Variants in KERA observed in about 807,000 individuals in gnomAD.
KERA encodes keratan sulfate proteoglycan keratocan.
A neutral mutation model predicts 26.4 loss-of-function variants in KERA; 25 were observed. The ratio of observed to expected loss-of-function variants is 0.95; its 90% CI spans 0.69 to 1.32. KERA has a LOEUF of 1.32. KERA is among the 40% of genes most tolerant of loss of function. The pLI is 0.00. For missense variants in KERA, 434 were observed against 408.9 expected, an observed-to-expected ratio of 1.06 and a Z score of -0.53; for synonymous variants, 167 against 146.1, an observed-to-expected ratio of 1.14 and a Z score of -1.03.
intron 2 of KERA, among the ~76,000 whole-genome samples, 174 bp from the exon 3 acceptor site, chr12:91,051,692 A>C (rs1437722336): frequency 6.6e-6 from 1 of 151,620 alleles, no homozygotes; most frequent in Admixed American, 6.6e-5. Flanking sequence ...TGTTTCCCCC[A>C]AACAAAAGTT....
intron 1 of KERA, 124 bp downstream of exon 1, chr12:91,057,620 A>AT (rs5799975): frequency 0.13 from 18,730 of 148,564 alleles, 1,665 homozygotes; most frequent in African/African-American, 0.25. Flanking sequence ...AAGAAACATC[A>AT]TTTTTTTTTT....
Position 91,056,284 on chromosome 12 carries a change from T to C in KERA, c.-3A>G. The C allele has an allele frequency of 6.2e-7, 1 of 1,607,618 alleles. No individual in the cohort carries two copies. Among genetic ancestry groups the C allele is most frequent in the Non-Finnish European group, 8.5e-7 (1 of 1,176,090 alleles). ...ATGAAACAGATTGTGCCTGCCATTA[T>C]AGCACCTACAGAAAAAGGAACACAA... On this transcript the variant is annotated 5_prime_UTR_variant, in exon 2 of 3. Coordinates refer to ENST00000266719, the MANE Select transcript of KERA (RefSeq NM_007035.4).
chr12:91,052,828 C>T (rs1187075179), intron 2 of KERA, among the ~76,000 whole-genome samples: 3 of 151,294 alleles, frequency 2.0e-5, no homozygotes, highest in African/African-American at 7.3e-5. Context: ...TGTGCAATCC[C>T]CTTATCCTCA....
chr12:91,052,307 C>T (rs1373475661), intron 2 of KERA, among the ~76,000 whole-genome samples: 2 of 151,382 alleles, frequency 1.3e-5, no homozygotes, highest in Non-Finnish European at 3.0e-5. Flanking sequence ...GTTAAACTAG[C>T]AAAATTCAGG....
intron 2 of KERA, 130 bp from the exon 3 acceptor site, chr12:91,051,648 A>T: frequency 1.4e-6 from 1 of 701,648 alleles, no homozygotes; most frequent in Non-Finnish European, 2.5e-6. Flanking sequence ...GTGGTTATAC[A>T]AAACATTTGT....
At position 91,055,739 on chromosome 12, in the gene KERA, A is replaced by C. The variant is rs1331263696; in HGVS notation, c.543T>G (p.Asn181Lys). ...CTTTAAAAGTGTCTCTTTGAAAGGC[A>C]TTGTCCACTAATTTGTTGTTCTGTA... ...LDLQNNKLVDNAFQRDTFKGL... is the reference protein window; with the variant it reads ...LDLQNNKLVDKAFQRDTFKGL... The change falls in exon 2 of 3, where the codon AAT becomes AAG. Residue 181 changes from asparagine (N) to lysine (K), a missense_variant. Transcript: ENST00000266719. 6.2e-7 allele frequency: 1 copy of C among 1,611,412 alleles called. No homozygotes were observed. The highest frequency in any genetic ancestry group is 8.5e-7 in the Non-Finnish European group (1 of 1,178,262).
At position 91,051,159 on chromosome 12, in the gene KERA, A is replaced by G. The variant is rs1043801381; in HGVS notation, c.*187T>C. 1.0e-4 allele frequency: 59 copies of G among 572,614 alleles called. 2 individuals carry two copies. In the Admixed American group the frequency reaches 1.7e-3, roughly 16 times the overall value. 35.5% of individuals were successfully genotyped at this position (572,614 alleles called of 1,614,324 possible). A position where few individuals can be genotyped will look rare whatever the true frequency, so the allele number is the denominator to read the frequency against. On this transcript the variant is annotated 3_prime_UTR_variant, in exon 3 of 3. Coordinates refer to ENST00000266719, the MANE Select transcript of KERA (RefSeq NM_007035.4). Reference sequence around the variant, plus strand: ...GTTTTATTAATTAAAAGAAAAGCAAATTAATGCAGGCTGTGATGCATGTAA... The same window carrying G: ...GTTTTATTAATTAAAAGAAAAGCAAGTTAATGCAGGCTGTGATGCATGTAA...
chr12:91,055,094 A>C (rs1186246902), intron 2 of KERA, among the ~76,000 whole-genome samples: 1 of 150,980 alleles, frequency 6.6e-6, no homozygotes, highest in African/African-American at 2.4e-5. Flanking sequence ...AATGGGGCAG[A>C]AATATTGGAA....
At position 91,053,456 on chromosome 12, in the gene KERA, T is replaced by C. The variant is rs531035435; in HGVS notation, c.887-1938A>G. On this transcript the variant is annotated intron_variant, in intron 2 of 2. Coordinates refer to ENST00000266719, the MANE Select transcript of KERA (RefSeq NM_007035.4). ...CCTCCCCTAGCTGATCTTCAGTTTC[T>C]CTCTTTCAGAAATTCCTAATAATAT... Among the ~76,000 whole-genome samples, 7 of 151,472 alleles carry C rather than the reference T, an allele frequency of 4.6e-5. No individual in the cohort carries two copies. In the South Asian group the frequency reaches 1.2e-3, roughly 27 times the overall value.
chr12:91,050,748 T>C lies in KERA; in HGVS notation c.*598A>G, dbSNP rs1470737895. The C allele has an allele frequency of 6.6e-6, 1 of 152,412 alleles. No individual in the cohort carries two copies. Among genetic ancestry groups the C allele is most frequent in the African/African-American group, 2.4e-5 (1 of 41,372 alleles). The allele number at this position is 152,412 out of a possible 1,614,324, so 9.4% of individuals were successfully genotyped here. A position where few individuals can be genotyped will look rare whatever the true frequency, so the allele number is the denominator to read the frequency against. On this transcript the variant is annotated 3_prime_UTR_variant, in exon 3 of 3. Transcript: ENST00000266719. Reference sequence around the variant, plus strand: ...AAACAACAGCTACAAGAAATGGTAATGAACTAGAAGTGACTGCTGTTTCAT... The same window carrying C: ...AAACAACAGCTACAAGAAATGGTAACGAACTAGAAGTGACTGCTGTTTCAT...
chr12:91,054,682 T>C (rs1465474386), intron 2 of KERA, among the ~76,000 whole-genome samples: 1 of 151,328 alleles, frequency 6.6e-6, no homozygotes, highest in Non-Finnish European at 1.5e-5. Context: ...GAGAGTATTC[T>C]ACCTGACGAT....
intron 2 of KERA, among the ~76,000 whole-genome samples, chr12:91,054,429 G>A (rs1878939828): frequency 6.6e-6 from 1 of 151,216 alleles, no homozygotes; most frequent in African/African-American, 2.4e-5. Context: ...TTTTTAAAGG[G>A]TCTACTCTGA....
intron 1 of KERA, among the ~76,000 whole-genome samples, chr12:91,057,020 C>CTATATATGTA (rs912328779): frequency 2.0e-5 from 3 of 148,236 alleles, no homozygotes; most frequent in Non-Finnish European, 4.5e-5. Context: ...TATTCTGTCT[C>CTATATATGTA]TATATATGTA....
chr12:91,055,978 G>T lies in KERA; in HGVS notation c.304C>A (p.Leu102Ile), dbSNP rs1224363535. ...ENATQLRWIN[L>I]NKNKITNYGI... The stretch of plus-strand genomic sequence containing the variant: ...TAGTTGGTTATTTTGTTCTTGTTTA[G>T]ATTTATCCATCTTAGCTGGGTGGCA... The change falls in exon 2 of 3, where the codon CTA becomes ATA. Residue 102 changes from leucine (L) to isoleucine (I), a missense_variant. Physicochemically the swap from Leu to Ile is conservative, Grantham distance 5 (BLOSUM62 2). Transcript: ENST00000266719. The T allele has an allele frequency of 1.2e-5, 19 of 1,610,740 alleles. No homozygotes were observed. In the East Asian group the frequency reaches 2.9e-4, roughly 25 times the overall value.
chr12:91,054,241 G>C (rs73354195), intron 2 of KERA, among the ~76,000 whole-genome samples: 59 of 151,490 alleles, frequency 3.9e-4, no homozygotes, highest in African/African-American at 1.4e-3. Context: ...AAAATAGTCT[G>C]TTCCTATAAA....
At position 91,050,649 on chromosome 12, in the gene KERA, T is replaced by C. The variant is rs1022420878; in HGVS notation, c.*697A>G. ...AAGTGGATTTCAAATGTTAAAACAC[T>C]AAGATTCCACAAGAAATGCATTATA... On this transcript the variant is annotated 3_prime_UTR_variant, in exon 3 of 3. Transcript: ENST00000266719. The C allele has an allele frequency of 2.0e-5, 3 of 152,026 alleles. No individual in the cohort carries two copies. Among genetic ancestry groups the C allele is most frequent in the African/African-American group, 2.4e-5 (1 of 41,372 alleles). The allele number at this position is 152,026 out of a possible 1,614,324, so 9.4% of individuals were successfully genotyped here. A position where few individuals can be genotyped will look rare whatever the true frequency, so the allele number is the denominator to read the frequency against.
At chr12:91,055,088 G>C (rs2078147963) in intron 2 of KERA, among the ~76,000 whole-genome samples, 1 of 150,966 alleles carries the variant, frequency 6.6e-6, no homozygotes, top group African/African-American at 2.4e-5. Context: ...CTACCCAATG[G>C]GGCAGAAATA....
chr12:91,055,692 A>G lies in KERA; in HGVS notation c.590T>C (p.Leu197Pro), dbSNP rs369794921. The change falls in exon 2 of 3, where the codon CTA (leucine) becomes CCA (proline). Residue 197 changes from leucine (L) to proline (P), a missense_variant. Physicochemically the swap from Leu to Pro is moderately conservative, Grantham distance 98. Transcript: ENST00000266719. Reference protein sequence around the residue: ...TFKGLKNLMQLNMAKNALRNM... With the variant: ...TFKGLKNLMQPNMAKNALRNM... The stretch of plus-strand genomic sequence containing the variant: ...CCTCAGGGCATTCTTGGCCATGTTT[A>G]GCTGCATGAGATTCTTGAGTCCTTT... The G allele has an allele frequency of 1.9e-6, 3 of 1,611,282 alleles. No individual in the cohort carries two copies. In the African/African-American group the frequency reaches 4.0e-5, roughly 22 times the overall value.
intron 2 of KERA, among the ~76,000 whole-genome samples, chr12:91,053,696 A>T (rs79307265): frequency 6.6e-6 from 1 of 151,324 alleles, no homozygotes; most frequent in Admixed American, 6.6e-5. Flanking sequence ...TTAGAAACCT[A>T]TGAGAAAACA....
Sources: allele counts gnomAD v4.1 joint callset (sites outside exome capture counted in the v4.1 genomes callset), GRCh38; gene constraint gnomAD v4.1.1; transcripts MANE v1.5; gene names NCBI Gene and HGNC (gene_info 2026-07-23, HGNC 2026-07-21).